RCSD1: variants seen among roughly 807,000 people sequenced by gnomAD.
RCSD1 encodes capZ-interacting protein.
Under a neutral mutation model 42.5 loss-of-function variants are expected in RCSD1, and 26 were observed. The ratio of observed to expected loss-of-function variants is 0.61; its 90% confidence interval spans 0.45 to 0.85. RCSD1 has a LOEUF of 0.85. Among genes scored for constraint, RCSD1 ranks in the 40% least tolerant of loss-of-function variants. The pLI is 0.00. For missense variants in RCSD1, 571 were observed against 528.3 expected, an observed-to-expected ratio of 1.08 and a Z score of -0.79; for synonymous variants, 220 against 212.2, an observed-to-expected ratio of 1.04 and a Z score of -0.32.
intron 6 of RCSD1, among the ~76,000 whole-genome samples, chr1:167,702,079 G>A (rs1375385946): frequency 1.3e-5 from 2 of 152,168 alleles, no homozygotes; most frequent in Non-Finnish European, 2.9e-5. Flanking sequence ...ACAAGCACCC[G>A]TTATCCCTAC....
rs935826229 is a variant in RCSD1 at position 167,704,947 on chromosome 1, C to T, written c.*251C>T. ...TTTATGTCATTTGATGGACTTGGTTCAACAACAAGAACTTACTTAAAACAA... is the reference window on the plus strand; with the variant it reads ...TTTATGTCATTTGATGGACTTGGTTTAACAACAAGAACTTACTTAAAACAA... On this transcript the variant is annotated 3_prime_UTR_variant, in exon 7 of 7. Transcript: ENST00000367854. 1.3e-5 allele frequency: 6 copies of T among 460,516 alleles called. No individual in the cohort carries two copies. Among genetic ancestry groups the T allele is most frequent in the African/African-American group, 1.2e-4 (6 of 50,320 alleles). The allele number at this position is 460,516 out of a possible 1,614,324, so 28.5% of individuals were successfully genotyped here.
chr1:167,658,867 G>A (rs949420877), intron 1 of RCSD1, among the ~76,000 whole-genome samples: 1 of 152,086 alleles, frequency 6.6e-6, no homozygotes, highest in Non-Finnish European at 1.5e-5. Flanking sequence ...CCCCATGGCT[G>A]TGTACGCTAG....
intron 1 of RCSD1, among the ~76,000 whole-genome samples, chr1:167,637,454 A>G (rs777417184): frequency 1.3e-5 from 2 of 152,176 alleles, no homozygotes; most frequent in African/African-American, 4.8e-5. Flanking sequence ...AAGCTCCTCT[A>G]ATACAAGGTA....
At chr1:167,698,861 G>GC (rs1402520309) in intron 6 of RCSD1, among the ~76,000 whole-genome samples, 4 of 150,828 alleles carry the variant, frequency 2.7e-5, no homozygotes, top group Non-Finnish European at 5.9e-5. Context: ...GTGCAGTGGC[G>GC]GGATCTCGGC....
intron 1 of RCSD1, among the ~76,000 whole-genome samples, chr1:167,632,190 T>G (rs1044517655): frequency 6.6e-6 from 1 of 152,106 alleles, no homozygotes; most frequent in African/African-American, 2.4e-5. Flanking sequence ...GCTTCTTGGG[T>G]TGGGTGAAGT....
At chr1:167,646,668 C>T (rs1046933420) in intron 1 of RCSD1, among the ~76,000 whole-genome samples, 3 of 152,152 alleles carry the variant, frequency 2.0e-5, no homozygotes, top group Non-Finnish European at 4.4e-5. Context: ...TGTCCTGATG[C>T]TCGAGTTTCT....
intron 1 of RCSD1, chr1:167,630,721 T>A (rs201302639): frequency 6.4e-4 from 21 of 32,594 alleles, no homozygotes; most frequent in Non-Finnish European, 8.5e-4. Flanking sequence ...ACTTAAATGC[T>A]AAAAAAAAAA....
Position 167,685,477 on chromosome 1 carries a change from C to A in RCSD1, c.165C>A (p.Pro55=), listed in dbSNP as rs1659209600. 3 of 1,613,986 alleles carry A rather than the reference C, an allele frequency of 1.9e-6. No individual in the cohort carries two copies. Among genetic ancestry groups the A allele is most frequent in the Non-Finnish European group, 1.7e-6 (2 of 1,179,932 alleles). The change falls in exon 3 of 7, where the codon CCC becomes CCA. Residue 55 remains proline, a synonymous_variant. Transcript: ENST00000367854. The part of the protein sequence containing the change: ...RKPPCSLPLF[P]PKVDLGQNGE... ...CGCCCTGTTCCCTCCCCCTGTTCCCCCCCAAGGTAGACCTGGGCCAGAATG... is the reference window on the plus strand; with the variant it reads ...CGCCCTGTTCCCTCCCCCTGTTCCCACCCAAGGTAGACCTGGGCCAGAATG...
intron 1 of RCSD1, chr1:167,664,223 C>G (rs976079229): frequency 6.6e-6 from 1 of 152,274 alleles, no homozygotes; most frequent in African/African-American, 2.4e-5. Context: ...TGTGCTGTCT[C>G]CACTATCTTG....
At chr1:167,655,698 T>C (rs978712070) in intron 1 of RCSD1, among the ~76,000 whole-genome samples, 1 of 152,172 alleles carries the variant, frequency 6.6e-6, no homozygotes, top group African/African-American at 2.4e-5. Flanking sequence ...CAGGAAGCCC[T>C]TGGTCTCCAA....
intron 1 of RCSD1, among the ~76,000 whole-genome samples, chr1:167,649,532 T>TG (rs550398196): frequency 3.1e-4 from 47 of 152,136 alleles, no homozygotes; most frequent in Non-Finnish European, 4.9e-4. Context: ...CCCAGAGTGA[T>TG]GGGGGGGCAG....
chr1:167,671,466 C>T (rs1371903326), intron 1 of RCSD1, among the ~76,000 whole-genome samples: 1 of 152,230 alleles, frequency 6.6e-6, no homozygotes, highest in Non-Finnish European at 1.5e-5. Context: ...TTTCTCAGCT[C>T]TCCTTACTCC....
intron 1 of RCSD1, among the ~76,000 whole-genome samples, chr1:167,673,332 C>T (rs756572297): frequency 6.6e-5 from 10 of 152,178 alleles, no homozygotes; most frequent in South Asian, 2.1e-4. Context: ...TCTGCTTCCG[C>T]GTAATCCTTC....
At chr1:167,632,931 G>T (rs1457576267) in intron 1 of RCSD1, among the ~76,000 whole-genome samples, 6 of 152,200 alleles carry the variant, frequency 3.9e-5, no homozygotes, top group African/African-American at 1.4e-4. Context: ...AGTTGGATTT[G>T]GGGGTTTCTG....
At chr1:167,688,224 G>C (rs1023061886) in intron 3 of RCSD1, among the ~76,000 whole-genome samples, 1 of 152,144 alleles carries the variant, frequency 6.6e-6, no homozygotes, top group Non-Finnish European at 1.5e-5. Context: ...GTGTTTAAGG[G>C]GCAGGGTCCA....
intron 1 of RCSD1, among the ~76,000 whole-genome samples, chr1:167,646,155 A>G (rs1012766081): frequency 3.9e-5 from 6 of 152,080 alleles, no homozygotes; most frequent in African/African-American, 1.4e-4. Context: ...GAGCATGGAG[A>G]ATTTTACTCG....
At chr1:167,642,810 G>A (rs1658040251) in intron 1 of RCSD1, among the ~76,000 whole-genome samples, 1 of 152,164 alleles carries the variant, frequency 6.6e-6, no homozygotes, top group African/African-American at 2.4e-5. Flanking sequence ...TTTCCCATAA[G>A]GCTTGTACAT....
intron 1 of RCSD1, among the ~76,000 whole-genome samples, chr1:167,660,578 C>T (rs902446867): frequency 1.3e-5 from 2 of 152,030 alleles, no homozygotes; most frequent in Non-Finnish European, 2.9e-5. Context: ...CTTCCCACCT[C>T]AGCCTCTTGA....
At position 167,685,128 on chromosome 1, in the gene RCSD1, G is replaced by A. The variant is rs77376992; in HGVS notation, c.109-293G>A. On this transcript the variant is annotated intron_variant, in intron 2 of 6. Coordinates refer to ENST00000367854, the MANE Select transcript of RCSD1 (RefSeq NM_052862.4). ...CTGAAAACTGAATGTGATTCAGGTCGGTGAATCTCAAGTAAAAGTGGATAT... is the reference window on the plus strand; with the variant it reads ...CTGAAAACTGAATGTGATTCAGGTCAGTGAATCTCAAGTAAAAGTGGATAT... 6.3e-3 allele frequency among the ~76,000 whole-genome samples: 958 copies of A among 152,258 alleles called. 3 individuals are homozygous for A. The highest frequency in any genetic ancestry group is 0.016 in the African/African-American group (668 of 41,540).
Sources: gnomAD v4.1 joint callset for allele counts (sites outside exome capture counted in the v4.1 genomes callset) on GRCh38, gnomAD v4.1.1 for gene constraint, MANE v1.5 for transcripts, NCBI Gene and HGNC (gene_info 2026-07-23, HGNC 2026-07-21) for gene names.